Variants in ZNF407 observed in about 807,000 individuals in gnomAD.
ZNF407 encodes zinc finger protein 407.
ZNF407 carries 17 observed loss-of-function variants against 131.2 expected under a neutral mutation model. The observed-to-expected ratio is 0.13, with a 90% CI of 0.09 to 0.19. The LOEUF (loss-of-function observed/expected upper bound fraction) is 0.19, where lower values mean the gene tolerates loss of function less well. ZNF407 is among the 10% of genes least tolerant of loss of function. The pLI is 1.00. For synonymous variants in ZNF407, 1,156 were observed against 1,062.0 expected, an observed-to-expected ratio of 1.09 and a Z score of -1.72; for missense variants, 2,681 against 2,830.6, an observed-to-expected ratio of 0.95 and a Z score of 1.20.
At chr18:75,027,095 A>G (rs896313036) in intron 8 of ZNF407, among the ~76,000 whole-genome samples, 1 of 152,218 alleles carries the variant, frequency 6.6e-6, no homozygotes, top group African/African-American at 2.4e-5. Flanking sequence ...ATTGTATTGT[A>G]CCTTCATTCT....
At chr18:74,746,681 G>A (rs567832527) in intron 3 of ZNF407, among the ~76,000 whole-genome samples, 196 of 151,732 alleles carry the variant, frequency 1.3e-3, no homozygotes, top group Non-Finnish European at 2.2e-3. Flanking sequence ...TCAGTGGAAG[G>A]TCTTCAGGTG....
chr18:74,812,458 C>T (rs1301926355), intron 4 of ZNF407, among the ~76,000 whole-genome samples: 1 of 152,086 alleles, frequency 6.6e-6, no homozygotes, highest in African/African-American at 2.4e-5. Context: ...TTCTAGATAA[C>T]CTATAATTCC....
chr18:74,623,350 G>A (rs1448801173), intron 1 of ZNF407, among the ~76,000 whole-genome samples: 1 of 152,056 alleles, frequency 6.6e-6, no homozygotes, highest in Non-Finnish European at 1.5e-5. Flanking sequence ...GTGAGTGTGA[G>A]TGCGCGTGTG....
At chr18:74,990,084 T>C (rs1057339190) in intron 8 of ZNF407, among the ~76,000 whole-genome samples, 1 of 152,196 alleles carries the variant, frequency 6.6e-6, no homozygotes, top group Non-Finnish European at 1.5e-5. Flanking sequence ...AGAAAAATTA[T>C]TGGAGATTTC....
intron 8 of ZNF407, among the ~76,000 whole-genome samples, chr18:74,951,162 T>C (rs1972209307): frequency 6.6e-6 from 1 of 152,228 alleles, no homozygotes; most frequent in Non-Finnish European, 1.5e-5. Flanking sequence ...TGCCTCCAAA[T>C]GTTCAAATGT....
chr18:74,706,625 C>G (rs1377963562), intron 3 of ZNF407, among the ~76,000 whole-genome samples: 1 of 152,112 alleles, frequency 6.6e-6, no homozygotes, highest in Non-Finnish European at 1.5e-5. Context: ...AGAAAATGAG[C>G]AGCAGCAACA....
chr18:74,813,685 T>A (rs1970229944), intron 4 of ZNF407, among the ~76,000 whole-genome samples: 1 of 152,136 alleles, frequency 6.6e-6, no homozygotes, highest in African/African-American at 2.4e-5. Flanking sequence ...GTGGCATCTG[T>A]TCATAGCTTA....
chr18:74,744,915 C>T (rs912024734), intron 3 of ZNF407, among the ~76,000 whole-genome samples: 2 of 152,048 alleles, frequency 1.3e-5, no homozygotes, highest in Non-Finnish European at 2.9e-5. Context: ...ATAAGGGAAA[C>T]TCCTTGATTT....
At chr18:74,619,691 G>A (rs1983440202) in intron 1 of ZNF407, among the ~76,000 whole-genome samples, 1 of 152,002 alleles carries the variant, frequency 6.6e-6, no homozygotes, top group African/African-American at 2.4e-5. Flanking sequence ...AAATTCTGTT[G>A]TTTCAGTTTT....
chr18:74,781,579 C>A (rs1048302949), intron 4 of ZNF407, 77 bp downstream of exon 4: 20 of 1,136,960 alleles, frequency 1.8e-5, no homozygotes, highest in South Asian at 5.0e-5. Flanking sequence ...GACATGACTT[C>A]TAGACTTTTT....
At chr18:74,781,345 A>C (rs1409468742) in intron 3 of ZNF407, 83 bp from the exon 4 acceptor site, 1 of 951,298 alleles carries the variant, frequency 1.1e-6, no homozygotes, top group African/African-American at 1.7e-5. Flanking sequence ...TTGCATATAT[A>C]TATTATTCTT....
Position 74,956,257 on chromosome 18 carries a change from G to T in ZNF407, c.5428+35565G>T, listed in dbSNP as rs540032178. The stretch of plus-strand genomic sequence containing the variant: ...CTCATCACATCCAGCTCTCCGTCCT[G>T]CTTGCATTCCTCCTGACATCCACCA... On this transcript the variant is annotated intron_variant, in intron 8 of 8. Coordinates refer to ENST00000299687, the MANE Select transcript of ZNF407 (RefSeq NM_017757.3). 2.1e-3 allele frequency among the ~76,000 whole-genome samples: 325 copies of T among 151,658 alleles called. 2 individuals carry two copies. Among genetic ancestry groups the T allele is most frequent in the African/African-American group, 7.2e-3 (296 of 41,326 alleles).
intron 4 of ZNF407, among the ~76,000 whole-genome samples, chr18:74,866,651 G>T (rs1346823270): frequency 6.6e-6 from 1 of 150,772 alleles, no homozygotes; most frequent in East Asian, 1.9e-4. Flanking sequence ...AACACTTCTG[G>T]GTATTACCAG....
intron 3 of ZNF407, among the ~76,000 whole-genome samples, chr18:74,674,307 G>C (rs1356586976): frequency 6.6e-6 from 1 of 152,150 alleles, no homozygotes; most frequent in Non-Finnish European, 1.5e-5. Flanking sequence ...GGACTTTATA[G>C]CTTGAAATTG....
Position 75,063,079 on chromosome 18 carries a change from C to T in ZNF407, c.5429-71C>T. 1 of 1,412,510 alleles carries T rather than the reference C, an allele frequency of 7.1e-7. No individual in the cohort carries two copies. 87.5% of individuals were successfully genotyped at this position (1,412,510 alleles called of 1,614,324 possible). On this transcript the variant is annotated intron_variant, in intron 8 of 8. Transcript: ENST00000299687. The surrounding 1 kb of genome is among the most constrained non-coding windows in gnomAD (Gnocchi z 6.6). ...CTCTGCTGAGGCCTGAGCGCTTCTG[C>T]AGAAGAAGTGTCTTACTTGTAAGCC... is the stretch of plus-strand genomic sequence containing the variant.
At chr18:74,883,510 G>T (rs531246210) in intron 6 of ZNF407, among the ~76,000 whole-genome samples, 2 of 152,228 alleles carry the variant, frequency 1.3e-5, no homozygotes, top group East Asian at 1.9e-4. Flanking sequence ...ATTCCTCACC[G>T]CAATACAGAC....
At chr18:74,815,864 A>G (rs1970260604) in intron 4 of ZNF407, among the ~76,000 whole-genome samples, 3 of 152,326 alleles carry the variant, frequency 2.0e-5, no homozygotes, top group Admixed American at 2.0e-4. Context: ...CTGCGAAAGT[A>G]TACGCCTTTG....
chr18:74,674,181 A>G (rs1599058954), intron 3 of ZNF407, among the ~76,000 whole-genome samples: 1 of 152,034 alleles, frequency 6.6e-6, no homozygotes, highest in Non-Finnish European at 1.5e-5. Flanking sequence ...TCACTCCCTC[A>G]CCACTTAATG....
chr18:74,950,295 C>T (rs1972199366), intron 8 of ZNF407, among the ~76,000 whole-genome samples: 1 of 152,208 alleles, frequency 6.6e-6, no homozygotes, highest in African/African-American at 2.4e-5. Context: ...TCCTACCTAC[C>T]ACACTTAATG....
Sources: allele counts gnomAD v4.1 joint callset (sites outside exome capture counted in the v4.1 genomes callset), GRCh38; gene constraint gnomAD v4.1.1; non-coding constraint Gnocchi (gnomAD v3.1); transcripts MANE v1.5; gene names NCBI Gene and HGNC (gene_info 2026-07-23, HGNC 2026-07-21).